PPP2R2B: variants seen among roughly 807,000 people sequenced by gnomAD.
PPP2R2B encodes the protein protein phosphatase 2 regulatory subunit Bbeta.
PPP2R2B carries 5 observed loss-of-function variants against 46.0 expected under a neutral mutation model. The ratio of observed to expected loss-of-function variants is 0.11; its 90% CI spans 0.06 to 0.23. PPP2R2B has a LOEUF of 0.23. Ranked by LOEUF, PPP2R2B falls within the 10% of genes least tolerant of loss-of-function variation. The pLI is 1.00. For synonymous variants in PPP2R2B, 215 were observed against 206.7 expected, an observed-to-expected ratio of 1.04 and a Z score of -0.34; for missense variants, 367 against 575.0, an observed-to-expected ratio of 0.64 and a Z score of 3.70.
At chr5:147,066,341 T>A (rs941123587) in intron 2 of PPP2R2B, among the ~76,000 whole-genome samples, 1 of 152,206 alleles carries the variant, frequency 6.6e-6, no homozygotes, top group Non-Finnish European at 1.5e-5. Flanking sequence ...TTGTAAATTC[T>A]TTACATGTAT....
chr5:147,052,040 G>A (rs1756852539), intron 1 of PPP2R2B, among the ~76,000 whole-genome samples: 1 of 151,706 alleles, frequency 6.6e-6, no homozygotes, highest in Non-Finnish European at 1.5e-5. Flanking sequence ...TCCTTAATGA[G>A]GTCCACAGAG....
chr5:146,594,658 A>G (rs562348582), intron 8 of PPP2R2B, among the ~76,000 whole-genome samples: 1 of 152,320 alleles, frequency 6.6e-6, no homozygotes, highest in Admixed American at 6.5e-5. Flanking sequence ...TTTGTCCAAG[A>G]TCACACAGAA....
chr5:146,598,948 T>C (rs1771506559), intron 8 of PPP2R2B, among the ~76,000 whole-genome samples: 1 of 152,216 alleles, frequency 6.6e-6, no homozygotes, highest in Non-Finnish European at 1.5e-5. Flanking sequence ...ATCATTGAAT[T>C]GTGCACTTTG....
chr5:146,863,861 A>T (rs1477914920), intron 2 of PPP2R2B, among the ~76,000 whole-genome samples: 1 of 152,108 alleles, frequency 6.6e-6, no homozygotes, highest in African/African-American at 2.4e-5. Flanking sequence ...TTTCACACCG[A>T]CTCCCAACTG....
chr5:146,957,842 C>T (rs1463944653), intron 1 of PPP2R2B, among the ~76,000 whole-genome samples: 3 of 152,132 alleles, frequency 2.0e-5, no homozygotes, highest in African/African-American at 7.2e-5. Flanking sequence ...AAGACTATAT[C>T]CCTTTTTCAC....
intron 5 of PPP2R2B, among the ~76,000 whole-genome samples, chr5:146,688,206 C>T (rs1010101614): frequency 1.3e-5 from 2 of 151,836 alleles, no homozygotes; most frequent in Non-Finnish European, 2.9e-5. Flanking sequence ...AATACAGATA[C>T]TGGTATTTAT....
intron 2 of PPP2R2B, among the ~76,000 whole-genome samples, chr5:146,825,320 T>A (rs1454407037): frequency 6.6e-6 from 1 of 152,254 alleles, no homozygotes; most frequent in African/African-American, 2.4e-5. Flanking sequence ...TATCTCACAG[T>A]GCAGTGGCCC....
intron 7 of PPP2R2B, among the ~76,000 whole-genome samples, chr5:146,617,785 C>T (rs1773323324): frequency 6.6e-6 from 1 of 151,936 alleles, no homozygotes; most frequent in Non-Finnish European, 1.5e-5. Flanking sequence ...ACCTCTGCCT[C>T]CTGGGTTCAA....
At chr5:146,714,551 G>T (rs1281647207) in intron 2 of PPP2R2B, among the ~76,000 whole-genome samples, 1 of 152,054 alleles carries the variant, frequency 6.6e-6, no homozygotes, top group Non-Finnish European at 1.5e-5. Context: ...ATTGCTGAAT[G>T]AATAAAAAAA....
At chr5:146,967,320 G>A (rs543894034) in intron 1 of PPP2R2B, among the ~76,000 whole-genome samples, 4 of 152,178 alleles carry the variant, frequency 2.6e-5, no homozygotes, top group South Asian at 2.1e-4. Flanking sequence ...TCTCCTCCAC[G>A]TTCACTTCAA....
At position 146,585,791 on chromosome 5, in the gene PPP2R2B, A is replaced by T. The variant is rs1261228851; in HGVS notation, c.*4156T>A. 6.6e-6 allele frequency: 1 copy of T among 152,226 alleles called. No individual in the cohort carries two copies. The highest frequency in any genetic ancestry group is 1.5e-5 in the Non-Finnish European group (1 of 68,052). 9.4% of individuals were successfully genotyped at this position (152,226 alleles called of 1,614,324 possible). A position where few individuals can be genotyped will look rare whatever the true frequency, so the allele number is the denominator to read the frequency against. On this transcript the variant is annotated 3_prime_UTR_variant, in exon 10 of 10. Transcript: ENST00000394411. ...TATGGTGCTTTAAACCTATCAAAAT[A>T]GTTGTAAGTAAATGGATTTCTTGTT...
intron 2 of PPP2R2B, among the ~76,000 whole-genome samples, chr5:146,809,249 C>A (rs1485300181): frequency 6.6e-6 from 1 of 152,092 alleles, no homozygotes; most frequent in Non-Finnish European, 1.5e-5. Flanking sequence ...GACAGAAATT[C>A]TTGGCAAATG....
intron 1 of PPP2R2B, among the ~76,000 whole-genome samples, chr5:146,966,149 C>G (rs1286097126): frequency 6.6e-6 from 1 of 152,200 alleles, no homozygotes; most frequent in East Asian, 1.9e-4. Context: ...AGTTGGTGTT[C>G]TTAGCTAATG....
chr5:146,763,137 T>C (rs1754267097), intron 2 of PPP2R2B, among the ~76,000 whole-genome samples: 1 of 152,156 alleles, frequency 6.6e-6, no homozygotes, highest in African/African-American at 2.4e-5. Context: ...AGTTAAAACA[T>C]CAGCCTTCAA....
chr5:147,015,326 A>G (rs1039519537), intron 1 of PPP2R2B, among the ~76,000 whole-genome samples: 8 of 151,664 alleles, frequency 5.3e-5, no homozygotes, highest in African/African-American at 1.9e-4. Flanking sequence ...CTTAGTTGGA[A>G]CAATGTGAAC....
At chr5:146,634,933 A>G (rs1219635832) in intron 7 of PPP2R2B, among the ~76,000 whole-genome samples, 1 of 152,208 alleles carries the variant, frequency 6.6e-6, no homozygotes, top group East Asian at 1.9e-4. Flanking sequence ...TATTGATTAA[A>G]TAAATGAATA....
chr5:146,698,317 AATATATAT>A (rs35533710), intron 3 of PPP2R2B, among the ~76,000 whole-genome samples, 173 bp from the exon 4 acceptor site: 1,672 of 85,448 alleles, frequency 0.02, 101 homozygotes, highest in Middle Eastern at 0.044. Flanking sequence ...AAAAAAAAAA[AATATATAT>A]ATATATATAT....
upstream of PPP2R2B, among the ~76,000 whole-genome samples, chr5:147,060,423 T>C (rs933859893): frequency 1.8e-4 from 27 of 152,228 alleles, no homozygotes; most frequent in Middle Eastern, 3.4e-3. Flanking sequence ...ACTCAGGAGT[T>C]TGAGACCAGC....
chr5:146,908,269 T>C (rs1174475727), intron 1 of PPP2R2B, among the ~76,000 whole-genome samples: 3 of 152,202 alleles, frequency 2.0e-5, no homozygotes, highest in Non-Finnish European at 4.4e-5. Flanking sequence ...GACAGATCTT[T>C]GTAAAGGTTG....
Sources: allele counts gnomAD v4.1 joint callset (sites outside exome capture counted in the v4.1 genomes callset), GRCh38; gene constraint gnomAD v4.1.1; transcripts MANE v1.5; gene names NCBI Gene and HGNC (gene_info 2026-07-23, HGNC 2026-07-21).